Variants in SEL1L3 observed in about 807,000 individuals in gnomAD.
SEL1L3 encodes the protein SEL1L family member 3.
Under a neutral mutation model 142.8 loss-of-function variants are expected in SEL1L3, and 76 were observed. The observed-to-expected ratio is 0.53, with a 90% CI of 0.44 to 0.64. SEL1L3 has a LOEUF of 0.64. Ranked by LOEUF, SEL1L3 falls within the 30% of genes least tolerant of loss-of-function variation. The probability of loss-of-function intolerance (pLI) is 0.00; values close to 1 mark genes in which losing one functional copy is unlikely to be tolerated. For synonymous variants in SEL1L3, 504 were observed against 519.6 expected (o/e 0.97, Z 0.41); for missense variants, 1,262 against 1,381.7 (o/e 0.91, Z 1.37).
rs769022724 is a variant in SEL1L3 at position 25,830,155 on chromosome 4, A to G, written c.1100T>C (p.Ile367Thr). The change falls in exon 6 of 24, where the codon ATA (isoleucine) becomes ACA (threonine). Residue 367 changes from isoleucine (I) to threonine (T), a missense_variant and splice_region_variant. Ile to Thr is a moderately conservative substitution (Grantham distance 89). Around this residue, in one of 3 missense-constraint regions of SEL1L3, gnomAD observed 689 missense variants for 692.8 expected, o/e 0.99. Transcript: ENST00000399878. ...CTGTCCAATGCTAGTGGTTACTACT[A>G]TCTATGATGGGAGGGATACACAAGA... ...RLDISFNGGQ[I>T]VVTTSIGQDL... 6.2e-7 allele frequency: 1 copy of G among 1,600,228 alleles called. No individual in the cohort carries two copies.
intron 1 of SEL1L3, among the ~76,000 whole-genome samples, chr4:25,848,416 C>T (rs1273074080): frequency 6.6e-6 from 1 of 152,228 alleles, no homozygotes; most frequent in Non-Finnish European, 1.5e-5. Context: ...AGGCAAGAGG[C>T]TTCTATTGCT....
At chr4:25,763,553 A>T (rs1553864386) in intron 20 of SEL1L3, among the ~76,000 whole-genome samples, 1 of 152,060 alleles carries the variant, frequency 6.6e-6, no homozygotes, top group Non-Finnish European at 1.5e-5. Context: ...ATAAAATAAA[A>T]ATAGAAAAGA....
intron 2 of SEL1L3, among the ~76,000 whole-genome samples, chr4:25,838,137 T>C (rs1447797099): frequency 6.6e-6 from 1 of 152,218 alleles, no homozygotes; most frequent in East Asian, 1.9e-4. Flanking sequence ...CTCCTAGTAC[T>C]GTCCACAATT....
the SEL1L3 span, among the ~76,000 whole-genome samples, chr4:25,722,143 G>C: frequency 6.6e-6 from 1 of 152,148 alleles, no homozygotes; most frequent in African/African-American, 2.4e-5. Flanking sequence ...TTTGAGCTTT[G>C]AGAAATAATG....
chr4:25,788,365 C>T lies in SEL1L3; in HGVS notation c.2077-1G>A, dbSNP rs781058271. On this transcript the variant is annotated splice_acceptor_variant, in intron 12 of 23. Transcript: ENST00000399878. LOFTEE classifies it high-confidence loss of function. The surrounding 1 kb of genome is among the most constrained non-coding windows in gnomAD (Gnocchi z 5.3). Reference sequence around the variant, plus strand: ...AGAACAGCATCTGGGCCAATCGTTGCTTAAAGATAATAGCAATTTAGAACA... The same window carrying T: ...AGAACAGCATCTGGGCCAATCGTTGTTTAAAGATAATAGCAATTTAGAACA... 18 of 1,613,686 alleles carry T rather than the reference C, an allele frequency of 1.1e-5. No individual in the cohort carries two copies. The highest frequency in any genetic ancestry group is 1.5e-5 in the Non-Finnish European group (18 of 1,179,784).
At chr4:25,852,621 A>T (rs574410764) in intron 1 of SEL1L3, among the ~76,000 whole-genome samples, 96 of 152,296 alleles carry the variant, frequency 6.3e-4, no homozygotes, top group African/African-American at 2.0e-3. Flanking sequence ...TGTTTCCCTC[A>T]CTAATCCCAC....
At chr4:25,851,204 A>G (rs190594649) in intron 1 of SEL1L3, among the ~76,000 whole-genome samples, 74 of 152,334 alleles carry the variant, frequency 4.9e-4, no homozygotes, top group Middle Eastern at 3.4e-3. Context: ...CACAATTCAC[A>G]CACTGAAAGT....
the SEL1L3 span, among the ~76,000 whole-genome samples, chr4:25,732,640 GC>G: frequency 2.0e-5 from 3 of 152,116 alleles, no homozygotes; most frequent in Admixed American, 6.6e-5. Flanking sequence ...TTGGTGAAGA[GC>G]CTGTTCAGTT....
intron 19 of SEL1L3, 132 bp from the exon 20 acceptor site, chr4:25,765,567 C>G: frequency 1.6e-6 from 1 of 624,882 alleles, no homozygotes; most frequent in Non-Finnish European, 2.9e-6. Flanking sequence ...TTATGTTTCC[C>G]TGATGTGTCA....
At chr4:25,824,334 G>A (rs1482692465) in intron 6 of SEL1L3, among the ~76,000 whole-genome samples, 6 of 152,106 alleles carry the variant, frequency 3.9e-5, no homozygotes, top group African/African-American at 1.4e-4. Context: ...ATGCAAAACC[G>A]ACTGACTGAT....
intron 20 of SEL1L3, 29 bp from the exon 21 acceptor site, chr4:25,759,097 C>T (rs1176775021): frequency 1.2e-6 from 2 of 1,606,722 alleles, no homozygotes; most frequent in Admixed American, 3.4e-5. Flanking sequence ...CCAAACTCAT[C>T]AAATCCTTGA....
Position 25,788,304 on chromosome 4 carries a change from C to T in SEL1L3, c.2137G>A (p.Ala713Thr), listed in dbSNP as rs1239675741. ...GCGCCCTTGGCGTACCACTCAATTG[C>T]TGCTTCGGGATTCTTGGCCACACCT... The part of the protein sequence containing the change: ...QQGVAKNPEA[A>T]IEWYAKGALE... The change falls in exon 13 of 24, where the codon GCA (alanine) becomes ACA (threonine). Residue 713 changes from alanine (A) to threonine (T), a missense_variant. By Grantham distance (58) the Ala-to-Thr change is moderately conservative. Around this residue, in one of 3 missense-constraint regions of SEL1L3, gnomAD observed 435 missense variants for 559.2 expected, o/e 0.78. Coordinates refer to ENST00000399878, the MANE Select transcript of SEL1L3 (RefSeq NM_015187.5). The surrounding 1 kb of genome is among the most constrained non-coding windows in gnomAD (Gnocchi z 5.3). The T allele has an allele frequency of 6.2e-7, 1 of 1,613,980 alleles. No individual in the cohort carries two copies.
intron 20 of SEL1L3, among the ~76,000 whole-genome samples, chr4:25,762,560 T>A (rs1041458982): frequency 1.3e-5 from 2 of 152,172 alleles, no homozygotes; most frequent in Non-Finnish European, 2.9e-5. Context: ...CATCCACCAA[T>A]AAGGTAAAGC....
chr4:25,722,143 G>A, the SEL1L3 span, among the ~76,000 whole-genome samples: 2 of 152,266 alleles, frequency 1.3e-5, no homozygotes, highest in South Asian at 2.1e-4. Context: ...TTTGAGCTTT[G>A]AGAAATAATG....
rs568001893 is a variant in SEL1L3 at position 25,776,208 on chromosome 4, A to T, written c.2669+69T>A. ...ATTGCTTTCTCAGTTGCATTTTAAG[A>T]CTCCATTTCATAAGACTATACTGAC... On this transcript the variant is annotated intron_variant, in intron 17 of 23. Coordinates refer to ENST00000399878, the MANE Select transcript of SEL1L3 (RefSeq NM_015187.5). The T allele has an allele frequency of 1.5e-5, 14 of 957,008 alleles. 1 individual carries two copies. The South Asian group carries it at 1.9e-4, about 13-fold the overall frequency. The allele number at this position is 957,008 out of a possible 1,614,324, so 59.3% of individuals were successfully genotyped here. A position where few individuals can be genotyped will look rare whatever the true frequency, so the allele number is the denominator to read the frequency against.
In SEL1L3 at chr4:25,862,945, C is replaced by G. The variant is rs1717841026; in HGVS notation, c.-109G>C. 1 of 777,116 alleles carries G rather than the reference C, an allele frequency of 1.3e-6. No individual in the cohort carries two copies. The highest frequency in any genetic ancestry group is 1.9e-5 in the African/African-American group (1 of 51,722). The allele number at this position is 777,116 out of a possible 1,614,324, so 48.1% of individuals were successfully genotyped here. On this transcript the variant is annotated 5_prime_UTR_variant, in exon 1 of 24. Transcript: ENST00000399878. ...CCCCGGCCGGGCCGGCCGCCGCGCG[C>G]GGGGCCACCTGCCGCCACCTCCGGA...
chr4:25,852,231 C>T (rs1439979154), intron 1 of SEL1L3, among the ~76,000 whole-genome samples: 1 of 152,150 alleles, frequency 6.6e-6, no homozygotes, highest in African/African-American at 2.4e-5. Context: ...GTGACATTCT[C>T]CAACACCACC....
At chr4:25,738,430 CT>C in the SEL1L3 span, among the ~76,000 whole-genome samples, 1 of 152,160 alleles carries the variant, frequency 6.6e-6, no homozygotes, top group Non-Finnish European at 1.5e-5. Context: ...CCAACACAGT[CT>C]TCCTGACACT....
At chr4:25,803,917 C>T (rs559942128) in intron 10 of SEL1L3, among the ~76,000 whole-genome samples, 3 of 152,050 alleles carry the variant, frequency 2.0e-5, no homozygotes, top group Non-Finnish European at 2.9e-5. Flanking sequence ...AGCTTGCAGA[C>T]GGCAGACTGT....
Sources: allele counts gnomAD v4.1 joint callset (sites outside exome capture counted in the v4.1 genomes callset), GRCh38; gene constraint gnomAD v4.1.1; regional missense constraint gnomAD v4.1.1; non-coding constraint Gnocchi (gnomAD v3.1); transcripts MANE v1.5; gene names NCBI Gene and HGNC (gene_info 2026-07-23, HGNC 2026-07-21).